The following CIT variants were observed in gnomAD, a reference collection of about 807,000 sequenced individuals.
CIT encodes citron rho-interacting serine/threonine kinase, also known as citron Rho-interacting kinase.
CIT carries 79 observed loss-of-function variants against 272.7 expected under a neutral mutation model. The observed-to-expected ratio is 0.29, with a 90% CI of 0.24 to 0.35. The LOEUF is 0.35. CIT is among the 10% of genes least tolerant of loss of function. The pLI is 1.00. For missense variants in CIT, 1,909 were observed against 2,618.3 expected (o/e 0.73, Z 5.91); for synonymous variants, 948 against 995.6 (o/e 0.95, Z 0.90).
intron 37 of CIT, among the ~76,000 whole-genome samples, chr12:119,711,882 C>A (rs2057425044): frequency 6.6e-6 from 1 of 152,138 alleles, no homozygotes. Flanking sequence ...GTTTCAAACT[C>A]CTGGGCTCAA....
intron 13 of CIT, among the ~76,000 whole-genome samples, chr12:119,780,357 G>A (rs1347858374): frequency 2.0e-5 from 3 of 152,294 alleles, no homozygotes; most frequent in East Asian, 1.9e-4. Flanking sequence ...AGTGGCTCAT[G>A]CCTGTAATCT....
chr12:119,803,855 T>C (rs1198250027), intron 9 of CIT, among the ~76,000 whole-genome samples: 1 of 152,104 alleles, frequency 6.6e-6, no homozygotes, highest in African/African-American at 2.4e-5. Flanking sequence ...AACTTCTACA[T>C]TTCGTGGATT....
At chr12:119,733,977 G>T (rs114518485) in intron 26 of CIT, among the ~76,000 whole-genome samples, 187 bp downstream of exon 26, 1 of 151,912 alleles carries the variant, frequency 6.6e-6, no homozygotes, top group Non-Finnish European at 1.5e-5. Context: ...CACTATCTAC[G>T]TTTACAACTA....
At chr12:119,868,987 T>A (rs1950590376) in intron 3 of CIT, 73 bp downstream of exon 3, 11 of 1,555,120 alleles carry the variant, frequency 7.1e-6, no homozygotes, top group South Asian at 5.8e-5. Context: ...AACCAGTAAC[T>A]CATTCTGCCT....
chr12:119,838,142 G>A (rs936034345), intron 5 of CIT, among the ~76,000 whole-genome samples: 4 of 151,888 alleles, frequency 2.6e-5, no homozygotes, highest in Non-Finnish European at 5.9e-5. Context: ...CCACGATCTC[G>A]GCTCACTGCA....
intron 10 of CIT, among the ~76,000 whole-genome samples, chr12:119,788,661 C>T (rs960471354): frequency 1.1e-4 from 17 of 151,960 alleles, no homozygotes; most frequent in Non-Finnish European, 4.4e-5. Context: ...CTTTTTCACC[C>T]CCCACCAAAA....
intron 3 of CIT, among the ~76,000 whole-genome samples, chr12:119,861,853 T>G (rs1950347546): frequency 1.3e-5 from 2 of 152,194 alleles, no homozygotes; most frequent in Non-Finnish European, 2.9e-5. Context: ...TAAAGGTTCA[T>G]CAACAGAAAA....
In CIT at chr12:119,697,504, G is replaced by GTTAT. The variant is rs1215675881; in HGVS notation, c.5882+151_5882+154dup. Among the ~76,000 whole-genome samples the GTTAT allele has an allele frequency of 6.6e-6, 1 of 152,200 alleles. No homozygotes were observed. Among genetic ancestry groups the GTTAT allele is most frequent in the African/African-American group, 2.4e-5 (1 of 41,448 alleles). On this transcript the variant is annotated intron_variant, in intron 46 of 47. Coordinates refer to ENST00000392521, the MANE Select transcript of CIT (RefSeq NM_001206999.2). The surrounding 1 kb of genome is among the most constrained non-coding windows in gnomAD (Gnocchi z 4.9). ...TCTCCTGATGCTCATAATGGTCTGT[G>GTTAT]TTATTTCAGTGCCGCAGATCGCAAA...
At chr12:119,753,235 G>C (rs1593601088) in intron 22 of CIT, among the ~76,000 whole-genome samples, 1 of 152,166 alleles carries the variant, frequency 6.6e-6, no homozygotes, top group African/African-American at 2.4e-5. Flanking sequence ...GATGAGCTAT[G>C]CCCTGAAAGC....
At position 119,825,200 on chromosome 12, in the gene CIT, A is replaced by C. The variant is rs190275140; in HGVS notation, c.922T>G (p.Ser308Ala). 623 of 1,614,082 alleles carry C rather than the reference A, an allele frequency of 3.9e-4. 3 individuals carry two copies. Among genetic ancestry groups the C allele is most frequent in the East Asian group, 1.1e-3 (51 of 44,880 alleles). The change falls in exon 8 of 48, where the codon TCT becomes GCT. Residue 308 changes from serine (S) to alanine (A), a missense_variant. Around this residue, in one of 8 missense-constraint regions of CIT, gnomAD observed 529 missense variants for 549.6 expected, o/e 0.96. Transcript: ENST00000392521. ...ATAATGTTATTGAAGGTTCTGGCAG[A>C]GGTTCCCTCTGCGAAGGGGGATCTC... is the stretch of plus-strand genomic sequence containing the variant. ...YGRSPFAEGT[S>A]ARTFNNIMNF...
intron 9 of CIT, among the ~76,000 whole-genome samples, chr12:119,811,662 T>C (rs1966848740): frequency 6.6e-6 from 1 of 152,218 alleles, no homozygotes; most frequent in South Asian, 2.1e-4. Flanking sequence ...TAATATTAAG[T>C]TTTTGGTAAT....
At chr12:119,865,023 G>A (rs1043666098) in intron 3 of CIT, among the ~76,000 whole-genome samples, 7 of 152,118 alleles carry the variant, frequency 4.6e-5, no homozygotes, top group Admixed American at 2.0e-4. Flanking sequence ...CCTTCTCCAC[G>A]TAGAAAAACA....
At chr12:119,703,421 C>CTTTTTTTTTT (rs34483318) in intron 41 of CIT, among the ~76,000 whole-genome samples, 2 of 105,704 alleles carry the variant, frequency 1.9e-5, no homozygotes, top group African/African-American at 4.0e-5. Flanking sequence ...CTTCATTTCA[C>CTTTTTTTTTT]TTTTTTTTTT....
At chr12:119,873,330 T>G (rs1165320245) in intron 2 of CIT, among the ~76,000 whole-genome samples, 3 of 150,744 alleles carry the variant, frequency 2.0e-5, no homozygotes, top group Admixed American at 6.6e-5. Flanking sequence ...AGTGCTGAAG[T>G]GCAGTGGCAC....
Position 119,784,840 on chromosome 12 carries a change from C to T in CIT, c.1401+120G>A, listed in dbSNP as rs540860211. The T allele has an allele frequency of 4.3e-5, 63 of 1,460,586 alleles. No individual in the cohort carries two copies. The Middle Eastern group carries it at 7.6e-4, about 18-fold the overall frequency. The allele number at this position is 1,460,586 out of a possible 1,614,324, so 90.5% of individuals were successfully genotyped here. A position where few individuals can be genotyped will look rare whatever the true frequency, so the allele number is the denominator to read the frequency against. On this transcript the variant is annotated intron_variant, in intron 11 of 47. Coordinates refer to ENST00000392521, the MANE Select transcript of CIT (RefSeq NM_001206999.2). The surrounding 1 kb of genome is among the most constrained non-coding windows in gnomAD (Gnocchi z 4.7). Reference sequence around the variant, plus strand: ...GGCGCGACTTCAGCGAAGGCAGGAGCGCCTCACTCTCTACGGATCAGGCGG... The same window carrying T: ...GGCGCGACTTCAGCGAAGGCAGGAGTGCCTCACTCTCTACGGATCAGGCGG...
intron 18 of CIT, among the ~76,000 whole-genome samples, 194 bp from the exon 19 acceptor site, chr12:119,767,376 GCACA>G (rs1010696644): frequency 6.6e-6 from 1 of 152,170 alleles, no homozygotes; most frequent in Non-Finnish European, 1.5e-5. Context: ...CCAAGTATTC[GCACA>G]CACATACACA....
intron 24 of CIT, among the ~76,000 whole-genome samples, chr12:119,735,993 T>C (rs1958732853): frequency 6.6e-6 from 1 of 152,240 alleles, no homozygotes. Flanking sequence ...TATCAGACAA[T>C]GGGAAGCCAT....
At position 119,782,556 on chromosome 12, in the gene CIT, T is replaced by G. The variant is rs768821722; in HGVS notation, c.1627A>C (p.Arg543=). 2 of 1,614,058 alleles carry G rather than the reference T, an allele frequency of 1.2e-6. No individual in the cohort carries two copies. The highest frequency in any genetic ancestry group is 1.7e-6 in the Non-Finnish European group (2 of 1,180,012). The change falls in exon 13 of 48, where the codon AGA becomes CGA. Residue 543 remains arginine, a synonymous_variant. Transcript: ENST00000392521. ...DKALQLLHDI[R]EQSRKLQEIK... ...TCTTGGAGCTTCCGGCTCTGCTCTC[T>G]GATATCATGGAGAAGCTGCAGTGCT...
At chr12:119,865,596 G>A (rs960896016) in intron 3 of CIT, among the ~76,000 whole-genome samples, 126 of 152,128 alleles carry the variant, frequency 8.3e-4, no homozygotes, top group African/African-American at 2.9e-3. Context: ...CCCAATGGGC[G>A]TGGTGGCTCA....
Sources: gnomAD v4.1 joint callset for allele counts (sites outside exome capture counted in the v4.1 genomes callset) on GRCh38, gnomAD v4.1.1 for gene constraint, gnomAD v4.1.1 regional missense constraint, Gnocchi (gnomAD v3.1) non-coding constraint, MANE v1.5 for transcripts, NCBI Gene and HGNC (gene_info 2026-07-23, HGNC 2026-07-21) for gene names.